OGA: variants seen among roughly 807,000 people sequenced by gnomAD.
OGA encodes the protein O-GlcNAcase.
OGA carries 21 observed loss-of-function variants against 102.0 expected under a neutral mutation model. The observed-to-expected ratio is 0.21, with a 90% CI of 0.15 to 0.30. OGA has a LOEUF of 0.30. Ranked by LOEUF, OGA falls within the 10% of genes least tolerant of loss-of-function variation. OGA has a pLI of 1.00. For synonymous variants in OGA, 408 were observed against 378.2 expected, an observed-to-expected ratio of 1.08 and a Z score of -0.91; for missense variants, 765 against 1,107.8, an observed-to-expected ratio of 0.69 and a Z score of 4.39.
At position 101,817,628 on chromosome 10, in the gene OGA, G is replaced by A. The variant is rs138801582; in HGVS notation, c.199+196C>T. On this transcript the variant is annotated intron_variant, in intron 1 of 15. Coordinates refer to ENST00000361464, the MANE Select transcript of OGA (RefSeq NM_012215.5). ...GTGGGGTCAGACTTGTGAGTGGCCA[G>A]GGGGGAATTCGACGCCGTCTTAAGA... 4.4e-3 allele frequency among the ~76,000 whole-genome samples: 673 copies of A among 152,242 alleles called. 4 individuals carry two copies. Among genetic ancestry groups the A allele is most frequent in the Middle Eastern group, 0.014 (4 of 294 alleles).
At chr10:101,796,556 G>C (rs747425669) in intron 10 of OGA, among the ~76,000 whole-genome samples, 11 of 151,452 alleles carry the variant, frequency 7.3e-5, no homozygotes, top group African/African-American at 1.9e-4. Flanking sequence ...CGCTGCGCAC[G>C]GTCAGTATTT....
rs768493929 is a variant in OGA at position 101,786,499 on chromosome 10, T to A, written c.2703A>T (p.Lys901Asn). 1 of 1,612,666 alleles carries A rather than the reference T, an allele frequency of 6.2e-7. No homozygotes were observed. The highest frequency in any genetic ancestry group is 8.5e-7 in the Non-Finnish European group (1 of 1,179,426). Residue 901 changes from lysine to asparagine, a missense_variant, in exon 16 of 16, where the codon AAA (lysine) becomes AAT (asparagine). Lys to Asn is a moderately conservative substitution (Grantham distance 94). Coordinates refer to ENST00000361464, the MANE Select transcript of OGA (RefSeq NM_012215.5). The stretch of plus-strand genomic sequence containing the variant: ...CCACATCCTTTGGAAATCCTTCCAT[T>A]TTTGCAATTTCAAAACATCCTAACT... ...YSKLGCFEIA[K>N]MEGFPKDVVI...
chr10:101,787,678 G>A (rs2065206757), intron 14 of OGA, 155 bp from the exon 15 acceptor site: 1 of 637,492 alleles, frequency 1.6e-6, no homozygotes, highest in Non-Finnish European at 2.6e-6. Context: ...TCTAGCTGAA[G>A]CATTTTCACT....
intron 8 of OGA, among the ~76,000 whole-genome samples, chr10:101,799,974 G>A (rs1297084059): frequency 2.0e-5 from 3 of 152,136 alleles, no homozygotes; most frequent in Non-Finnish European, 2.9e-5. Context: ...CCAGGTTGAG[G>A]CGACTGTCCT....
At chr10:101,794,019 C>T (rs771711788) in intron 10 of OGA, 21 bp from the exon 11 acceptor site, 6 of 1,576,034 alleles carry the variant, frequency 3.8e-6, no homozygotes, top group Admixed American at 1.7e-5. Flanking sequence ...CAGATCCAAG[C>T]GGAGAACGTT....
At chr10:101,801,090 C>A (rs948135465) in intron 7 of OGA, among the ~76,000 whole-genome samples, 1 of 151,372 alleles carries the variant, frequency 6.6e-6, no homozygotes, top group Non-Finnish European at 1.5e-5. Context: ...TTAATAAAGG[C>A]GCTGAGGGAA....
rs573697036 is a variant in OGA at position 101,807,715 on chromosome 10, C to T, written c.652+15G>A. ...CAAGAAGACTAGTTAAATGTAAAGC[C>T]ATTATATACAATACCTGTGGGACAG... is the stretch of plus-strand genomic sequence containing the variant. On this transcript the variant is annotated intron_variant, in intron 5 of 15. Transcript: ENST00000361464. 9 of 1,538,026 alleles carry T rather than the reference C, an allele frequency of 5.9e-6. No individual in the cohort carries two copies. Among genetic ancestry groups the T allele is most frequent in the South Asian group, 2.5e-5 (2 of 80,168 alleles).
rs921013822 is a variant in OGA at position 101,785,738 on chromosome 10, A to G, written c.*713T>C. On this transcript the variant is annotated 3_prime_UTR_variant, in exon 16 of 16. Transcript: ENST00000361464. Reference sequence around the variant, plus strand: ...TCATTTATAGAGGAAAAAAATTTACAAAAACAGTAAACACAAAGGATAGTC... The same window carrying G: ...TCATTTATAGAGGAAAAAAATTTACGAAAACAGTAAACACAAAGGATAGTC... The G allele has an allele frequency of 6.6e-6, 1 of 152,586 alleles. No individual in the cohort carries two copies. The highest frequency in any genetic ancestry group is 1.5e-5 in the Non-Finnish European group (1 of 68,044). The allele number at this position is 152,586 out of a possible 1,614,324, so 9.5% of individuals were successfully genotyped here.
At chr10:101,789,026 C>T (rs747730135) in intron 14 of OGA, among the ~76,000 whole-genome samples, 2 of 152,112 alleles carry the variant, frequency 1.3e-5, no homozygotes, top group Non-Finnish European at 2.9e-5. Context: ...TTATATTTTA[C>T]CACAATTTTT....
At chr10:101,792,087 C>T (rs1055474210) in intron 12 of OGA, among the ~76,000 whole-genome samples, 5 of 151,710 alleles carry the variant, frequency 3.3e-5, no homozygotes, top group African/African-American at 9.7e-5. Flanking sequence ...GGCATGATCT[C>T]GGCTTACTGC....
At chr10:101,806,879 G>A (rs2065483021) in intron 5 of OGA, among the ~76,000 whole-genome samples, 1 of 152,110 alleles carries the variant, frequency 6.6e-6, no homozygotes, top group East Asian at 1.9e-4. Flanking sequence ...TTCGACACTA[G>A]CCTGGGCAAT....
Position 101,787,504 on chromosome 10 carries a change from T to C in OGA, c.2474A>G (p.His825Arg). 1 of 1,610,048 alleles carries C rather than the reference T, an allele frequency of 6.2e-7. No individual in the cohort carries two copies. Among genetic ancestry groups the C allele is most frequent in the Middle Eastern group, 1.7e-4 (1 of 6,054 alleles). ...TTCTGGCAGTACTTCCTGTTCTTCA[T>C]GGAAACTCAACATTATTTTCTGGAA... is the stretch of plus-strand genomic sequence containing the variant. ...SEAEKIMLSF[H>R]EEQEVLPETF... The change falls in exon 15 of 16, where the codon CAT becomes CGT. Residue 825 changes from histidine (H) to arginine (R), a missense_variant. Coordinates refer to ENST00000361464, the MANE Select transcript of OGA (RefSeq NM_012215.5).
intron 14 of OGA, chr10:101,787,829 T>G: frequency 4.1e-6 from 1 of 245,794 alleles, no homozygotes; most frequent in Non-Finnish European, 8.1e-6. Flanking sequence ...TGGGCTCGAG[T>G]GATCCTTCTA....
At chr10:101,795,834 C>T (rs1161685047) in intron 10 of OGA, 1 of 842,224 alleles carries the variant, frequency 1.2e-6, no homozygotes, top group Non-Finnish European at 1.4e-6. Context: ...AAAAAACTCA[C>T]AATGTTTTAA....
intron 3 of OGA, among the ~76,000 whole-genome samples, chr10:101,811,247 G>T (rs149581703): frequency 1.3e-5 from 2 of 151,384 alleles, no homozygotes; most frequent in African/African-American, 4.9e-5. Context: ...AAATTAGCCA[G>T]GCGTGGTGGC....
At position 101,818,340 on chromosome 10, in the gene OGA, G is replaced by A. The variant is rs1282621405; in HGVS notation, c.-318C>T. 11 of 1,130,242 alleles carry A rather than the reference G, an allele frequency of 9.7e-6. No homozygotes were observed. The highest frequency in any genetic ancestry group is 1.1e-5 in the Non-Finnish European group (10 of 920,306). The allele number at this position is 1,130,242 out of a possible 1,614,324, so 70.0% of individuals were successfully genotyped here. On this transcript the variant is annotated 5_prime_UTR_variant, in exon 1 of 16. Transcript: ENST00000361464. ...GCCAAGGGTCCTGTCCTCGTTCTCT[G>A]CCTCTGCTGCCCTCCCGATAATCTT...
intron 11 of OGA, among the ~76,000 whole-genome samples, chr10:101,793,502 T>A (rs1366742939): frequency 6.6e-6 from 1 of 152,256 alleles, no homozygotes; most frequent in Non-Finnish European, 1.5e-5. Flanking sequence ...GACAATTCTT[T>A]CAAGCACATT....
intron 14 of OGA, 31 bp from the exon 15 acceptor site, chr10:101,787,554 A>G (rs1198159749): frequency 1.3e-6 from 2 of 1,581,398 alleles, no homozygotes; most frequent in Non-Finnish European, 1.7e-6. Flanking sequence ...TGACTTTCAC[A>G]ATAGTTACGC....
chr10:101,814,504 G>A (rs1383677319), intron 1 of OGA, among the ~76,000 whole-genome samples: 3 of 152,188 alleles, frequency 2.0e-5, no homozygotes, highest in Admixed American at 6.5e-5. Flanking sequence ...CAGGAGAACT[G>A]CTTGAATCCA....
Sources: gnomAD v4.1 joint callset for allele counts (sites outside exome capture counted in the v4.1 genomes callset) on GRCh38, gnomAD v4.1.1 for gene constraint, MANE v1.5 for transcripts, NCBI Gene and HGNC (gene_info 2026-07-23, HGNC 2026-07-21) for gene names.